Variants in TMCC3 observed in about 807,000 individuals in gnomAD.
The protein encoded by TMCC3 is transmembrane and coiled-coil domain family 3.
Under a neutral mutation model 40.2 loss-of-function variants are expected in TMCC3, and 28 were observed. The observed-to-expected ratio is 0.70, with a 90% CI of 0.52 to 0.95. TMCC3 has a LOEUF of 0.95. TMCC3 is among the 40% of genes least tolerant of loss of function. TMCC3 has a pLI of 0.00. For missense variants in TMCC3, 554 were observed against 615.2 expected, an observed-to-expected ratio of 0.90 and a Z score of 1.05; for synonymous variants, 255 against 248.5, an observed-to-expected ratio of 1.03 and a Z score of -0.25.
intron 1 of TMCC3, among the ~76,000 whole-genome samples, chr12:94,638,381 G>T (rs73377717): frequency 0.073 from 11,088 of 152,198 alleles, 501 homozygotes; most frequent in African/African-American, 0.13. Context: ...GGATTCAAAG[G>T]AGACATTTGC....
rs536156519 is a variant in TMCC3 at position 94,570,507 on chromosome 12, G to A, written c.*928C>T. 5.3e-5 allele frequency: 8 copies of A among 152,142 alleles called. No individual in the cohort carries two copies. Among genetic ancestry groups the A allele is most frequent in the Admixed American group, 2.6e-4 (4 of 15,268 alleles). 9.4% of individuals were successfully genotyped at this position (152,142 alleles called of 1,614,324 possible). On this transcript the variant is annotated 3_prime_UTR_variant, in exon 4 of 4. Coordinates refer to ENST00000261226, the MANE Select transcript of TMCC3 (RefSeq NM_020698.4). ...CATGGTGGCTTGTGCCTGCAGTCCC[G>A]GCTGCTTGGGAGGCTGAGGTGGGAG... is the stretch of plus-strand genomic sequence containing the variant.
intron 1 of TMCC3, among the ~76,000 whole-genome samples, chr12:94,598,143 C>T (rs2068729554): frequency 6.6e-6 from 1 of 152,176 alleles, no homozygotes; most frequent in African/African-American, 2.4e-5. Context: ...TTTCAAGAAT[C>T]TGATATTAGA....
At chr12:94,630,654 C>T (rs545574895) in intron 1 of TMCC3, among the ~76,000 whole-genome samples, 1 of 152,306 alleles carries the variant, frequency 6.6e-6, no homozygotes, top group East Asian at 1.9e-4. Flanking sequence ...CATTAATATT[C>T]TACTTGTATG....
chr12:94,581,681 C>T lies in TMCC3; in HGVS notation c.936G>A (p.Lys312=). 2 of 1,613,944 alleles carry T rather than the reference C, an allele frequency of 1.2e-6. No individual in the cohort carries two copies. The highest frequency in any genetic ancestry group is 2.7e-5 in the African/African-American group (2 of 75,050). The change falls in exon 2 of 4, where the codon AAG becomes AAA. Residue 312 remains lysine, a synonymous_variant. Coordinates refer to ENST00000261226, the MANE Select transcript of TMCC3 (RefSeq NM_020698.4). ...AACCATATTCTCTCTTAAACTGCAC[C>T]TTCAGTGCCTCGATGTCCTCAGCCA... is the stretch of plus-strand genomic sequence containing the variant. The part of the protein sequence containing the change: ...AQLAEDIEAL[K]VQFKREYGFI...
At chr12:94,641,253 G>A (rs1005141645) in intron 1 of TMCC3, among the ~76,000 whole-genome samples, 11 of 152,062 alleles carry the variant, frequency 7.2e-5, no homozygotes, top group African/African-American at 2.7e-4. Context: ...GGTAGGGTGG[G>A]GGATTGAGGG....
In TMCC3 at chr12:94,571,501, A is replaced by G. The variant is rs1368237755; in HGVS notation, c.1368T>C (p.Leu456=). 6.2e-7 allele frequency: 1 copy of G among 1,614,110 alleles called. No homozygotes were observed. Among genetic ancestry groups the G allele is most frequent in the Non-Finnish European group, 8.5e-7 (1 of 1,180,020 alleles). Residue 456 remains leucine (L), a synonymous_variant, in exon 4 of 4, where the codon CTT becomes CTC. Transcript: ENST00000261226. ...GGTCCCAGTTTTTACAAAATATAGC[A>G]AGAAGAGTCACGGCAAAGAAGGTGC... ...ILGTFFAVTL[L]AIFCKNWDHI...
chr12:94,633,246 T>G (rs1271644087), intron 1 of TMCC3, among the ~76,000 whole-genome samples: 1 of 152,206 alleles, frequency 6.6e-6, no homozygotes, highest in East Asian at 1.9e-4. Context: ...ATCCAGTGTG[T>G]GAAAACACGC....
At chr12:94,641,809 T>C (rs1323339731) in intron 1 of TMCC3, among the ~76,000 whole-genome samples, 1 of 151,966 alleles carries the variant, frequency 6.6e-6, no homozygotes, top group Non-Finnish European at 1.5e-5. Context: ...CATACTTTTT[T>C]CCCCAATATC....
chr12:94,576,773 AGCCCTGG>A (rs2068567587), intron 3 of TMCC3, among the ~76,000 whole-genome samples: 1 of 152,158 alleles, frequency 6.6e-6, no homozygotes, highest in South Asian at 2.1e-4. Flanking sequence ...GTGAGCCACC[AGCCCTGG>A]GCAATTTTTT....
At chr12:94,615,155 G>A (rs2068840897) in intron 1 of TMCC3, among the ~76,000 whole-genome samples, 1 of 152,194 alleles carries the variant, frequency 6.6e-6, no homozygotes, top group South Asian at 2.1e-4. Context: ...GGGAAGGAAA[G>A]AAAGATTGCA....
chr12:94,625,427 C>G (rs1026613520), intron 1 of TMCC3, among the ~76,000 whole-genome samples: 2 of 151,696 alleles, frequency 1.3e-5, no homozygotes, highest in Non-Finnish European at 2.9e-5. Flanking sequence ...AACCCTATCT[C>G]TACTAAAAAT....
Position 94,596,891 on chromosome 12 carries a change from G to C in TMCC3, c.79-14353C>G, listed in dbSNP as rs144243567. Among the ~76,000 whole-genome samples the C allele has an allele frequency of 2.6e-3, 396 of 152,150 alleles. 5 individuals are homozygous for C. Among genetic ancestry groups the C allele is most frequent in the African/African-American group, 9.3e-3 (385 of 41,482 alleles). Reference sequence around the variant, plus strand: ...TTCAAAACAGACCGAACCACGAATGGTTCATGGCTTGTGACACATGTGAGA... The same window carrying C: ...TTCAAAACAGACCGAACCACGAATGCTTCATGGCTTGTGACACATGTGAGA... On this transcript the variant is annotated intron_variant, in intron 1 of 3. Transcript: ENST00000261226.
intron 1 of TMCC3, among the ~76,000 whole-genome samples, chr12:94,602,398 G>C (rs1209630658): frequency 6.6e-6 from 1 of 152,176 alleles, no homozygotes; most frequent in African/African-American, 2.4e-5. Flanking sequence ...AAAAGTTTAA[G>C]ACAGTGCGCT....
At position 94,578,410 on chromosome 12, in the gene TMCC3, C is replaced by A. The variant is rs369398902; in HGVS notation, c.1115G>T (p.Arg372Leu). 6.2e-6 allele frequency: 10 copies of A among 1,613,672 alleles called. No individual in the cohort carries two copies. The East Asian group carries it at 1.6e-4, about 25-fold the overall frequency. The change falls in exon 3 of 4, where the codon CGC (arginine) becomes CTC (leucine). Residue 372 changes from arginine (R) to leucine (L), a missense_variant. Arg to Leu is a moderately radical substitution (Grantham distance 102). Coordinates refer to ENST00000261226, the MANE Select transcript of TMCC3 (RefSeq NM_020698.4). ...EEKVAYQAYE[R>L]SRDIQEALES... is the part of the protein sequence containing the mutation. ...GAAAGGTACCTGGATGTCCCGCGAG[C>A]GCTCGTAGGCCTGGTAGGCCACCTT...
rs1252048328 is a variant in TMCC3 at position 94,650,423 on chromosome 12, C to T, written c.8G>A (p.Gly3Asp). Reference sequence around the variant, plus strand: ...GTCCACGGTGAGCGCCGTGTCGCTGCCCGGCATCTCCGCGCTCCGGCCGCG... The same window carrying T: ...GTCCACGGTGAGCGCCGTGTCGCTGTCCGGCATCTCCGCGCTCCGGCCGCG... The part of the protein sequence containing the change: MP[G>D]SDTALTVDRT... The change falls in exon 1 of 4, where the codon GGC becomes GAC. Residue 3 changes from glycine (G) to aspartate (D), a missense_variant. Transcript: ENST00000261226. 2 of 1,298,560 alleles carry T rather than the reference C, an allele frequency of 1.5e-6. No homozygotes were observed. Among genetic ancestry groups the T allele is most frequent in the Non-Finnish European group, 2.0e-6 (2 of 1,018,160 alleles). The allele number at this position is 1,298,560 out of a possible 1,614,324, so 80.4% of individuals were successfully genotyped here. A position where few individuals can be genotyped will look rare whatever the true frequency, so the allele number is the denominator to read the frequency against.
rs908685370 is a variant in TMCC3 at position 94,581,890 on chromosome 12, C to T, written c.727G>A (p.Ala243Thr). ...EASARAYGGSATIVNKPKYGS... is the reference protein window; with the variant it reads ...EASARAYGGSTTIVNKPKYGS... ...TACTTGGGTTTGTTCACGATGGTAG[C>T]GCTGCCCCCGTAGGCCCTGGCACTC... Residue 243 changes from alanine to threonine, a missense_variant, in exon 2 of 4, where the codon GCT (alanine) becomes ACT (threonine). Ala to Thr is a moderately conservative substitution (Grantham distance 58). Transcript: ENST00000261226. 12 of 1,614,118 alleles carry T rather than the reference C, an allele frequency of 7.4e-6. No individual in the cohort carries two copies. The highest frequency in any genetic ancestry group is 4.0e-5 in the African/African-American group (3 of 74,936).
intron 1 of TMCC3, among the ~76,000 whole-genome samples, chr12:94,593,359 TAA>T (rs372651534): frequency 2.3e-5 from 1 of 44,170 alleles, no homozygotes. Flanking sequence ...AGGCTCCATC[TAA>T]AAAAAAAAAA....
intron 1 of TMCC3, among the ~76,000 whole-genome samples, chr12:94,597,192 G>A (rs1221551727): frequency 6.8e-6 from 1 of 147,830 alleles, no homozygotes; most frequent in Non-Finnish European, 1.5e-5. Flanking sequence ...TGGCGTGCCT[G>A]TAGTCGCAGC....
At chr12:94,593,236 G>A (rs982338597) in intron 1 of TMCC3, among the ~76,000 whole-genome samples, 5 of 147,664 alleles carry the variant, frequency 3.4e-5, no homozygotes, top group Non-Finnish European at 7.5e-5. Flanking sequence ...GCATGGTGGC[G>A]GGTGCCTGTA....
Sources: allele counts gnomAD v4.1 joint callset (sites outside exome capture counted in the v4.1 genomes callset), GRCh38; gene constraint gnomAD v4.1.1; transcripts MANE v1.5; gene names NCBI Gene and HGNC (gene_info 2026-07-23, HGNC 2026-07-21).